The following GANC variants were observed in gnomAD, a reference collection of about 807,000 sequenced individuals.
GANC encodes glucosidase alpha, neutral C, also known as neutral alpha-glucosidase C.
GANC carries 117 observed loss-of-function variants against 124.2 expected under a neutral mutation model. The ratio of observed to expected loss-of-function variants is 0.94; its 90% confidence interval spans 0.81 to 1.10. The LOEUF is 1.10. Ranked by LOEUF, GANC falls within the 50% of genes least tolerant of loss-of-function variation. The probability of loss-of-function intolerance (pLI) is 0.00; values close to 1 mark genes in which losing one functional copy is unlikely to be tolerated. For missense variants in GANC, 1,140 were observed against 1,095.0 expected (o/e 1.04, Z -0.58); for synonymous variants, 377 against 376.8 (o/e 1.00, Z -0.01).
intron 3 of GANC, among the ~76,000 whole-genome samples, chr15:42,281,844 A>G (rs1359707800): frequency 2.6e-5 from 4 of 152,178 alleles, no homozygotes; most frequent in African/African-American, 4.8e-5. Flanking sequence ...ATACATATAC[A>G]TTGATTAAAT....
chr15:42,299,458 T>C (rs2051924453), intron 6 of GANC, among the ~76,000 whole-genome samples: 1 of 152,186 alleles, frequency 6.6e-6, no homozygotes, highest in Non-Finnish European at 1.5e-5. Flanking sequence ...CTGAATTCGG[T>C]TTGCCAGTAT....
chr15:42,333,325 C>G (rs1217251418), intron 15 of GANC, among the ~76,000 whole-genome samples: 3 of 146,018 alleles, frequency 2.1e-5, no homozygotes, highest in African/African-American at 7.8e-5. Flanking sequence ...GAAACTCCAT[C>G]TCAAAAAAAA....
chr15:42,327,341 A>T, intron 12 of GANC, 22 bp from the exon 13 acceptor site: 1 of 1,579,730 alleles, frequency 6.3e-7, no homozygotes, highest in Non-Finnish European at 8.7e-7. Flanking sequence ...TTGACAGGCT[A>T]TCTACTGTTC....
intron 6 of GANC, among the ~76,000 whole-genome samples, chr15:42,302,748 G>T (rs1326598821): frequency 6.6e-6 from 1 of 151,886 alleles, no homozygotes; most frequent in Non-Finnish European, 1.5e-5. Flanking sequence ...TGGAAGAAAG[G>T]ATATCAGAGA....
chr15:42,306,709 G>A, intron 7 of GANC, 97 bp downstream of exon 7: 2 of 763,632 alleles, frequency 2.6e-6, no homozygotes, highest in Non-Finnish European at 4.2e-6. Flanking sequence ...CCTAAAACAG[G>A]TGACTTTAAC....
In GANC at chr15:42,345,739, G is replaced by A. The variant is rs778782335; in HGVS notation, c.2230-19G>A. The stretch of plus-strand genomic sequence containing the variant: ...AGTTGCTTATGTACTCTTTTTTACT[G>A]GACTCTGTTACTTTCTAGGTCTGGT... On this transcript the variant is annotated intron_variant, in intron 19 of 23. Transcript: ENST00000318010. 6.5e-7 allele frequency: 1 copy of A among 1,543,076 alleles called. No individual in the cohort carries two copies. Among genetic ancestry groups the A allele is most frequent in the South Asian group, 1.1e-5 (1 of 87,670 alleles).
intron 3 of GANC, among the ~76,000 whole-genome samples, chr15:42,279,474 A>G (rs938236320): frequency 6.6e-6 from 1 of 152,212 alleles, no homozygotes; most frequent in South Asian, 2.1e-4. Flanking sequence ...AGAGGTTACC[A>G]TAGTTTTTGC....
chr15:42,330,645 T>A lies in GANC; in HGVS notation c.1714T>A (p.Ser572Thr). 6.2e-7 allele frequency: 1 copy of A among 1,609,316 alleles called. No homozygotes were observed. The highest frequency in any genetic ancestry group is 8.5e-7 in the Non-Finnish European group (1 of 1,178,708). The change falls in exon 15 of 24, where the codon TCT (serine) becomes ACT (threonine). Residue 572 changes from serine to threonine, a missense_variant. Ser to Thr is a moderately conservative substitution (Grantham distance 58). Transcript: ENST00000318010. ...GGAGAGACCCTTTGTTCTTACACGT[T>A]CTTTCTTTGCTGGATCACAAAAGTA... ...GKERPFVLTR[S>T]FFAGSQKYGA...
rs540458082 is a variant in GANC, at chr15:42,347,843, A to G, written c.2305-260A>G. ...TCATCACTTAAGAGGAAAAAACAGC[A>G]AAGACAGGTATAGATAACAAACCAA... On this transcript the variant is annotated intron_variant, in intron 20 of 23. Coordinates refer to ENST00000318010, the MANE Select transcript of GANC (RefSeq NM_198141.3). 7.9e-5 allele frequency among the ~76,000 whole-genome samples: 12 copies of G among 152,308 alleles called. 1 individual carries two copies. In the South Asian group the frequency reaches 2.5e-3, roughly 32 times the overall value.
chr15:42,347,174 GAAAA>G (rs775853278), intron 20 of GANC, among the ~76,000 whole-genome samples: 1 of 105,436 alleles, frequency 9.5e-6, no homozygotes, highest in African/African-American at 3.5e-5. Context: ...CTTGTTCTTT[GAAAA>G]AAAAAAAAAA....
At position 42,273,404 on chromosome 15, in the gene GANC, C is replaced by T. The variant is rs756291514; in HGVS notation, c.-1078C>T. 2.5e-6 allele frequency: 4 copies of T among 1,613,946 alleles called. No individual in the cohort carries two copies. The highest frequency in any genetic ancestry group is 1.7e-5 in the Admixed American group (1 of 60,028). ...AGCCACGCAGCCGCCGCCATCTTCA[C>T]AGCCGTGGAGTGCCTACCGAAAGCA... On this transcript the variant is annotated 5_prime_UTR_variant, in exon 1 of 24. Coordinates refer to ENST00000318010, the MANE Select transcript of GANC (RefSeq NM_198141.3).
At position 42,352,675 on chromosome 15, in the gene GANC, C is replaced by G. The variant is rs1019955961; in HGVS notation, c.*536C>G. 2.0e-5 allele frequency: 20 copies of G among 986,038 alleles called. No individual in the cohort carries two copies. Among genetic ancestry groups the G allele is most frequent in the Non-Finnish European group, 2.4e-5 (20 of 830,072 alleles). The allele number at this position is 986,038 out of a possible 1,614,324, so 61.1% of individuals were successfully genotyped here. On this transcript the variant is annotated 3_prime_UTR_variant, in exon 24 of 24. Transcript: ENST00000318010. ...GCTGCAGCCGTGGGAGTTATTCTCCCCTAGAGATCGACTTGGCAGCACGAA... is the reference window on the plus strand; with the variant it reads ...GCTGCAGCCGTGGGAGTTATTCTCCGCTAGAGATCGACTTGGCAGCACGAA...
chr15:42,298,911 G>A (rs1163955103), intron 6 of GANC, among the ~76,000 whole-genome samples: 1 of 152,148 alleles, frequency 6.6e-6, no homozygotes, highest in Non-Finnish European at 1.5e-5. Context: ...CATTGATTTT[G>A]TATCCTCAGA....
At chr15:42,294,153 TTTAC>T (rs1182484969) in intron 5 of GANC, among the ~76,000 whole-genome samples, 2 of 151,628 alleles carry the variant, frequency 1.3e-5, no homozygotes, top group South Asian at 2.1e-4. Flanking sequence ...AGTTGATCCT[TTTAC>T]TTACTTATGT....
chr15:42,283,551 T>C (rs2051754752), intron 3 of GANC: 1 of 668,574 alleles, frequency 1.5e-6, no homozygotes, highest in African/African-American at 1.8e-5. Context: ...ATATTGCTAA[T>C]TATGATGCTT....
intron 3 of GANC, among the ~76,000 whole-genome samples, chr15:42,282,301 A>G (rs957439641): frequency 1.3e-5 from 2 of 152,146 alleles, no homozygotes; most frequent in African/African-American, 4.8e-5. Context: ...CAGCCTGGGC[A>G]ACACAGTGAG....
At chr15:42,327,673 T>C (rs902384355) in intron 13 of GANC, among the ~76,000 whole-genome samples, 6 of 152,220 alleles carry the variant, frequency 3.9e-5, no homozygotes, top group African/African-American at 1.4e-4. Flanking sequence ...TAATAGACTC[T>C]ATGATATATC....
chr15:42,277,827 C>G (rs1459884143), intron 2 of GANC, among the ~76,000 whole-genome samples: 2 of 147,484 alleles, frequency 1.4e-5, no homozygotes. Context: ...GTCTTGAATT[C>G]CTGACCTCAG....
chr15:42,277,947 C>T (rs896284291), intron 2 of GANC: 9 of 167,270 alleles, frequency 5.4e-5, no homozygotes, highest in African/African-American at 2.3e-4. Context: ...ACAGTCTTTA[C>T]GTGATCTTGA....
Sources: gnomAD v4.1 joint callset for allele counts (sites outside exome capture counted in the v4.1 genomes callset) on GRCh38, gnomAD v4.1.1 for gene constraint, MANE v1.5 for transcripts, NCBI Gene and HGNC (gene_info 2026-07-23, HGNC 2026-07-21) for gene names.